Variants in SETDB2 observed in about 807,000 individuals in gnomAD.
SETDB2 encodes the protein histone-lysine N-methyltransferase SETDB2.
In SETDB2, 56 loss-of-function variants were observed where a neutral mutation model predicts 82.5. The observed-to-expected ratio is 0.68, with a 90% CI of 0.55 to 0.85. SETDB2 has a LOEUF of 0.85. Among genes scored for constraint, SETDB2 ranks in the 40% least tolerant of loss-of-function variants. The pLI, the probability that SETDB2 is intolerant of heterozygous loss-of-function variation, is 0.00. For synonymous variants in SETDB2, 272 were observed against 284.9 expected (o/e 0.95, Z 0.46); for missense variants, 677 against 816.4 (o/e 0.83, Z 2.08).
intron 11 of SETDB2, among the ~76,000 whole-genome samples, chr13:49,486,058 C>T (rs536657348): frequency 6.6e-6 from 1 of 152,134 alleles, no homozygotes; most frequent in Non-Finnish European, 1.5e-5. Flanking sequence ...CAGTAGCTCA[C>T]GCCCGTAATC....
chr13:49,456,584 C>T (rs1203199081), intron 2 of SETDB2, among the ~76,000 whole-genome samples: 3 of 152,024 alleles, frequency 2.0e-5, no homozygotes, highest in Non-Finnish European at 4.4e-5. Context: ...TCCAGTATTC[C>T]TTGTAAATAT....
At chr13:49,480,919 T>C in intron 7 of SETDB2, 28 bp from the exon 8 acceptor site, 15 of 1,612,082 alleles carry the variant, frequency 9.3e-6, no homozygotes, top group Non-Finnish European at 1.3e-5. Context: ...AGATGTCTGA[T>C]TTTCTCTTTT....
rs769206688 is a variant in SETDB2 at position 49,490,914 on chromosome 13, T to G, written c.2006+4T>G. Reference sequence around the variant, plus strand: ...TGGTGGCATTCTTCACCAACAGGTTTGAAATTGATTTCGCTTACTTAATTC... The same window carrying G: ...TGGTGGCATTCTTCACCAACAGGTTGGAAATTGATTTCGCTTACTTAATTC... On this transcript the variant is annotated splice_donor_region_variant and intron_variant, in intron 13 of 13. Transcript: ENST00000611815. 1 of 1,609,196 alleles carries G rather than the reference T, an allele frequency of 6.2e-7. No individual in the cohort carries two copies. The highest frequency in any genetic ancestry group is 1.1e-5 in the South Asian group (1 of 90,856).
At chr13:49,464,432 AG>A (rs1442834698) in intron 4 of SETDB2, among the ~76,000 whole-genome samples, 3 of 152,220 alleles carry the variant, frequency 2.0e-5, no homozygotes, top group African/African-American at 4.8e-5. Flanking sequence ...GATTATATTT[AG>A]TTTTGCAAGA....
At chr13:49,457,233 A>G (rs1331459042) in intron 2 of SETDB2, among the ~76,000 whole-genome samples, 2 of 109,142 alleles carry the variant, frequency 1.8e-5, no homozygotes, top group South Asian at 6.0e-4. Flanking sequence ...TTTTTTTTGA[A>G]AGAGTCTCGC....
intron 2 of SETDB2, among the ~76,000 whole-genome samples, chr13:49,458,894 A>T (rs1360424701): frequency 6.6e-6 from 1 of 152,220 alleles, no homozygotes; most frequent in Non-Finnish European, 1.5e-5. Flanking sequence ...ACATCATAAG[A>T]TCCTTATACC....
chr13:49,480,138 C>G, intron 6 of SETDB2, 81 bp from the exon 7 acceptor site: 5 of 857,366 alleles, frequency 5.8e-6, no homozygotes, highest in Non-Finnish European at 9.2e-6. Context: ...TTTATTACAT[C>G]ATTTACACAT....
intron 12 of SETDB2, 25 bp downstream of exon 12, chr13:49,488,655 A>C (rs780986632): frequency 6.6e-7 from 1 of 1,514,978 alleles, no homozygotes; most frequent in Non-Finnish European, 8.9e-7. Flanking sequence ...TGAGATTCCT[A>C]TTTCTGAACA....
chr13:49,465,875 T>C (rs1314405790), intron 4 of SETDB2, among the ~76,000 whole-genome samples: 2 of 152,122 alleles, frequency 1.3e-5, no homozygotes, highest in Admixed American at 1.3e-4. Context: ...AGGTGCAAAG[T>C]GTAAGGGTAG....
intron 11 of SETDB2, among the ~76,000 whole-genome samples, chr13:49,487,974 T>A (rs967164): frequency 0.71 from 108,560 of 152,040 alleles, 39,005 homozygotes; most frequent in East Asian, 0.82. Flanking sequence ...CAGTTTATTA[T>A]GAGTAGAGAT....
intron 11 of SETDB2, among the ~76,000 whole-genome samples, chr13:49,487,941 T>C (rs1958629328): frequency 6.6e-6 from 1 of 152,168 alleles, no homozygotes; most frequent in Non-Finnish European, 1.5e-5. Flanking sequence ...AAGTGCAGAT[T>C]CCAGAATTAA....
chr13:49,475,087 A>G (rs1005241358), intron 5 of SETDB2, among the ~76,000 whole-genome samples: 4 of 152,222 alleles, frequency 2.6e-5, no homozygotes, highest in African/African-American at 9.6e-5. Context: ...CCAGTTCCAC[A>G]TGGCTGGAGA....
intron 7 of SETDB2, among the ~76,000 whole-genome samples, chr13:49,480,625 G>A (rs917878399): frequency 6.6e-6 from 1 of 152,168 alleles, no homozygotes; most frequent in African/African-American, 2.4e-5. Flanking sequence ...AAAAATAACT[G>A]TCTAGAACTC....
At chr13:49,460,259 T>A in intron 3 of SETDB2, 27 bp downstream of exon 3, 1 of 1,602,546 alleles carries the variant, frequency 6.2e-7, no homozygotes, top group Non-Finnish European at 8.5e-7. Flanking sequence ...ACTTTGAATA[T>A]GTTTAATACT....
chr13:49,481,688 C>T (rs1958480243), intron 8 of SETDB2, among the ~76,000 whole-genome samples: 1 of 152,168 alleles, frequency 6.6e-6, no homozygotes, highest in South Asian at 2.1e-4. Context: ...GGCCACAGCC[C>T]CCAGGGCCAA....
intron 4 of SETDB2, 149 bp downstream of exon 4, chr13:49,461,311 C>T (rs1014159285): frequency 1.1e-5 from 6 of 564,310 alleles, no homozygotes; most frequent in South Asian, 3.7e-5. Flanking sequence ...ACAGTTTCCT[C>T]TGTTAAATGA....
rs1957964006 is a variant in SETDB2, at chr13:49,460,105, A to G, written c.17-2A>G. 2 of 1,609,064 alleles carry G rather than the reference A, an allele frequency of 1.2e-6. No individual in the cohort carries two copies. The highest frequency in any genetic ancestry group is 8.5e-7 in the Non-Finnish European group (1 of 1,178,526). ...TAGGCTAGTCACTTATTTTTATTTT[A>G]GGCGATGCAAAAACTTTCTGGATGG... is the stretch of plus-strand genomic sequence containing the variant. On this transcript the variant is annotated splice_acceptor_variant, in intron 2 of 13. Coordinates refer to ENST00000611815, the MANE Select transcript of SETDB2 (RefSeq NM_001160308.3). LOFTEE classifies it high-confidence loss of function.
In SETDB2 at chr13:49,480,231, A is replaced by G; in HGVS notation, c.882A>G (p.Ala294=). 3 of 1,605,998 alleles carry G rather than the reference A, an allele frequency of 1.9e-6. No homozygotes were observed. Among genetic ancestry groups the G allele is most frequent in the Non-Finnish European group, 2.5e-6 (3 of 1,177,620 alleles). The change falls in exon 7 of 14, where the codon GCA becomes GCG. Residue 294 remains alanine (A), a synonymous_variant. Transcript: ENST00000611815. ...GCCTGCCTTTTAGAACAAAATGTGC[A>G]TGTCTTCAACTGACAGCAAGGAATG... The part of the protein sequence containing the change: ...SEGCIDITKC[A]CLQLTARNAK...
At chr13:49,460,514 GT>G (rs1197367452) in intron 3 of SETDB2, among the ~76,000 whole-genome samples, 2 of 151,944 alleles carry the variant, frequency 1.3e-5, no homozygotes, top group African/African-American at 4.8e-5. Context: ...GAGACAACTA[GT>G]TTTTTCATAT....
Sources: allele counts gnomAD v4.1 joint callset (sites outside exome capture counted in the v4.1 genomes callset), GRCh38; gene constraint gnomAD v4.1.1; transcripts MANE v1.5; gene names NCBI Gene and HGNC (gene_info 2026-07-23, HGNC 2026-07-21).